PM20D2: variants seen among roughly 807,000 people sequenced by gnomAD.
PM20D2 encodes peptidase M20 domain containing 2.
Under a neutral mutation model 42.9 loss-of-function variants are expected in PM20D2, and 33 were observed. The observed-to-expected ratio is 0.77, with a 90% CI of 0.58 to 1.03. The LOEUF (loss-of-function observed/expected upper bound fraction) is 1.03. Ranked by LOEUF, PM20D2 falls within the 50% of genes least tolerant of loss-of-function variation. The probability of loss-of-function intolerance (pLI) is 0.00; values close to 1 mark genes in which losing one functional copy is unlikely to be tolerated. For synonymous variants in PM20D2, 250 were observed against 228.2 expected (o/e 1.10, Z -0.86); for missense variants, 548 against 557.0 (o/e 0.98, Z 0.16).
intron 2 of PM20D2, among the ~76,000 whole-genome samples, chr6:89,151,803 T>C (rs1770854557): frequency 2.6e-5 from 4 of 152,062 alleles, no homozygotes; most frequent in Admixed American, 2.6e-4. Context: ...GAAATTCCGG[T>C]TTTGCCAGGC....
the PM20D2 span, among the ~76,000 whole-genome samples, chr6:89,101,697 C>CAA: frequency 6.7e-5 from 10 of 150,002 alleles, no homozygotes; most frequent in African/African-American, 2.5e-4. Flanking sequence ...GACTCTGTCT[C>CAA]AAAAAAAAAT....
At chr6:89,145,620 G>A (rs1770502249), upstream of PM20D2, among the ~76,000 whole-genome samples, 1 of 152,180 alleles carries the variant, frequency 6.6e-6, no homozygotes. Context: ...AGTGGGGGCA[G>A]TACCGAAACT....
At chr6:89,132,682 C>A in the PM20D2 span, among the ~76,000 whole-genome samples, 9 of 150,342 alleles carry the variant, frequency 6.0e-5, no homozygotes, top group Non-Finnish European at 1.0e-4. Context: ...CCTGTCTCTA[C>A]CAAAAATTAG....
At chr6:89,147,171 A>G (rs1770612595) in intron 1 of PM20D2, among the ~76,000 whole-genome samples, 1 of 152,236 alleles carries the variant, frequency 6.6e-6, no homozygotes, top group Non-Finnish European at 1.5e-5. Flanking sequence ...AGCATTATAC[A>G]TAGATGAGTT....
At chr6:89,137,074 A>G in the PM20D2 span, among the ~76,000 whole-genome samples, 109,602 of 150,924 alleles carry the variant, frequency 0.73, 40,522 homozygotes, top group East Asian at 0.8. Flanking sequence ...CTTTATACAC[A>G]GTTCTCAATT....
chr6:89,157,190 C>G (rs138733122), intron 4 of PM20D2, among the ~76,000 whole-genome samples: 1,612 of 152,256 alleles, frequency 0.011, 23 homozygotes, highest in African/African-American at 0.037. Context: ...TTTGGCCTCC[C>G]AAAGTTCTGG....
chr6:89,107,837 T>G, the PM20D2 span, among the ~76,000 whole-genome samples: 85 of 152,286 alleles, frequency 5.6e-4, no homozygotes, highest in African/African-American at 1.9e-3. Context: ...GAAATCTGTA[T>G]CTTTACAAGC....
chr6:89,109,883 A>C, the PM20D2 span, among the ~76,000 whole-genome samples: 2 of 152,160 alleles, frequency 1.3e-5, no homozygotes, highest in Non-Finnish European at 2.9e-5. Context: ...CGAGGTCAGG[A>C]GATCGAGACC....
Position 89,158,334 on chromosome 6 carries a change from A to G in PM20D2, c.922A>G (p.Lys308Glu), listed in dbSNP as rs1334110977. The change falls in exon 5 of 7, where the codon AAA (lysine) becomes GAA (glutamate). Residue 308 changes from lysine (K) to glutamate (E), a missense_variant. Coordinates refer to ENST00000275072, the MANE Select transcript of PM20D2 (RefSeq NM_001010853.3). ...TGCAATTTTTTATTAGGTGGAAATT[A>G]AAGGTGGAGCACATGATTATTACAA... ...ALASGCTVEIKGGAHDYYNVL... is the reference protein window; with the variant it reads ...ALASGCTVEIEGGAHDYYNVL... 1.3e-6 allele frequency: 2 copies of G among 1,570,234 alleles called. No individual in the cohort carries two copies. Among genetic ancestry groups the G allele is most frequent in the African/African-American group, 2.8e-5 (2 of 72,250 alleles).
chr6:89,135,670 G>A, the PM20D2 span, among the ~76,000 whole-genome samples: 1,268 of 151,278 alleles, frequency 8.4e-3, 90 homozygotes, highest in African/African-American at 0.03. Flanking sequence ...TACCCTATAC[G>A]CAGTAATTCT....
intron 1 of PM20D2, among the ~76,000 whole-genome samples, chr6:89,148,319 GGTTAA>G (rs1770682171): frequency 6.6e-6 from 1 of 152,072 alleles, no homozygotes; most frequent in Non-Finnish European, 1.5e-5. Context: ...ATTTTAGCAA[GGTTAA>G]GTTATTAATT....
At chr6:89,154,597 A>G (rs1054778045) in intron 3 of PM20D2, 151 bp from the exon 4 acceptor site, 3 of 538,448 alleles carry the variant, frequency 5.6e-6, no homozygotes, top group African/African-American at 1.9e-5. Flanking sequence ...GTTGTACAAC[A>G]TAACAAAATC....
At chr6:89,110,333 A>G in the PM20D2 span, among the ~76,000 whole-genome samples, 1 of 152,190 alleles carries the variant, frequency 6.6e-6, no homozygotes, top group African/African-American at 2.4e-5. Context: ...CAAGCAAGCC[A>G]CTCAAGTGCA....
the PM20D2 span, among the ~76,000 whole-genome samples, chr6:89,110,008 G>A: frequency 2.0e-5 from 3 of 152,034 alleles, no homozygotes; most frequent in Non-Finnish European, 2.9e-5. Context: ...GGAGAATGGT[G>A]TGAACCCAGG....
At chr6:89,154,179 A>G (rs1193552327) in intron 3 of PM20D2, among the ~76,000 whole-genome samples, 2 of 152,126 alleles carry the variant, frequency 1.3e-5, no homozygotes, top group African/African-American at 4.8e-5. Context: ...GATTTTTTGT[A>G]TCTATTTTAG....
chr6:89,115,786 G>A, the PM20D2 span, among the ~76,000 whole-genome samples: 7 of 139,566 alleles, frequency 5.0e-5, no homozygotes, highest in South Asian at 2.6e-4. Flanking sequence ...ACAGGCACCC[G>A]CCACCACGCC....
chr6:89,099,515 T>TAC, the PM20D2 span, among the ~76,000 whole-genome samples: 106 of 133,146 alleles, frequency 8.0e-4, 1 homozygote, highest in African/African-American at 2.4e-3. Context: ...TATATATATA[T>TAC]ACACACACAC....
chr6:89,155,799 C>T (rs1430460329), intron 4 of PM20D2, among the ~76,000 whole-genome samples: 1 of 152,124 alleles, frequency 6.6e-6, no homozygotes. Context: ...ACCTCCTCTG[C>T]CTCCTGGGTT....
At chr6:89,124,873 C>T in the PM20D2 span, among the ~76,000 whole-genome samples, 21 of 150,920 alleles carry the variant, frequency 1.4e-4, 1 homozygote, top group East Asian at 3.8e-3. Flanking sequence ...GTTGCTGGTG[C>T]TACAAGTGTG....
Sources: gnomAD v4.1 joint callset for allele counts (sites outside exome capture counted in the v4.1 genomes callset) on GRCh38, gnomAD v4.1.1 for gene constraint, MANE v1.5 for transcripts, NCBI Gene and HGNC (gene_info 2026-07-23, HGNC 2026-07-21) for gene names.